ASPRV1: variants seen among roughly 807,000 people sequenced by gnomAD.
ASPRV1 encodes the protein aspartic peptidase retroviral like 1.
In ASPRV1, 7 loss-of-function variants were observed where a neutral mutation model predicts 11.0. The ratio of observed to expected loss-of-function variants is 0.64; its 90% confidence interval spans 0.36 to 1.20. ASPRV1 has a LOEUF of 1.20. ASPRV1 is among the 50% of genes most tolerant of loss of function. The pLI is 0.02. For synonymous variants in ASPRV1, 136 were observed against 138.4 expected (o/e 0.98, Z 0.12); for missense variants, 299 against 320.0 (o/e 0.93, Z 0.50).
chr2:70,011,944 G>A, the ASPRV1 span: 4 of 152,344 alleles, frequency 2.6e-5, no homozygotes, highest in East Asian at 7.7e-4. Flanking sequence ...GCAGCTTCGG[G>A]GGCTAGCAAA....
chr2:69,961,799 C>T, upstream of ASPRV1: 3 of 1,220,250 alleles, frequency 2.5e-6, no homozygotes, highest in Non-Finnish European at 3.5e-6. Context: ...GGACCAACAC[C>T]AGCCAGCCCA....
At chr2:70,084,880 C>G in the ASPRV1 span, among the ~76,000 whole-genome samples, 2 of 152,184 alleles carry the variant, frequency 1.3e-5, no homozygotes, top group East Asian at 3.9e-4. Context: ...ATTAAATGTT[C>G]GTAGAGTTAT....
At chr2:70,051,634 G>C in the ASPRV1 span, among the ~76,000 whole-genome samples, 1 of 152,110 alleles carries the variant, frequency 6.6e-6, no homozygotes, top group East Asian at 1.9e-4. Context: ...TTAAGCATCA[G>C]TGATGTACCA....
chr2:69,945,481 C>T, the ASPRV1 span, among the ~76,000 whole-genome samples: 4 of 152,202 alleles, frequency 2.6e-5, no homozygotes, highest in African/African-American at 7.2e-5. Context: ...ATTGCCTCTG[C>T]GAGTGTCCTT....
At chr2:70,058,611 G>A in the ASPRV1 span, among the ~76,000 whole-genome samples, 1 of 147,302 alleles carries the variant, frequency 6.8e-6, no homozygotes, top group East Asian at 2.0e-4. Flanking sequence ...AGAGTGCAAC[G>A]GTATGATCTC....
chr2:70,056,795 C>CT, the ASPRV1 span, among the ~76,000 whole-genome samples: 2 of 151,542 alleles, frequency 1.3e-5, no homozygotes, highest in Admixed American at 1.3e-4. Flanking sequence ...GTGGCACAAT[C>CT]TCGGCTCCCT....
At chr2:70,076,584 C>T in the ASPRV1 span, among the ~76,000 whole-genome samples, 1 of 152,204 alleles carries the variant, frequency 6.6e-6, no homozygotes. Flanking sequence ...GATGAGGTTA[C>T]ATCTCGAATA....
chr2:70,052,121 A>C, the ASPRV1 span, among the ~76,000 whole-genome samples: 1 of 152,200 alleles, frequency 6.6e-6, no homozygotes, highest in Non-Finnish European at 1.5e-5. Context: ...TAAGCAAATA[A>C]ATAAGAAAAG....
the ASPRV1 span, among the ~76,000 whole-genome samples, chr2:70,077,690 C>T: frequency 2.0e-5 from 3 of 151,812 alleles, no homozygotes; most frequent in Admixed American, 2.0e-4. Context: ...CCCGCCTCTA[C>T]TATAAACACA....
chr2:69,941,858 A>G, the ASPRV1 span: 1 of 136,858 alleles, frequency 7.3e-6, no homozygotes, highest in African/African-American at 3.0e-5. Context: ...AAAAGTATCT[A>G]TATATACACA....
At chr2:70,016,318 C>T in the ASPRV1 span, 1 of 152,066 alleles carries the variant, frequency 6.6e-6, no homozygotes, top group Non-Finnish European at 1.5e-5. Flanking sequence ...AATAGCCAGA[C>T]AAGGACACTA....
downstream of ASPRV1, among the ~76,000 whole-genome samples, chr2:69,957,370 G>A (rs1237888765): frequency 6.6e-6 from 1 of 151,906 alleles, no homozygotes; most frequent in African/African-American, 2.4e-5. Context: ...TGGGTGAAAC[G>A]TGGAAATTCT....
At chr2:69,944,146 C>T in the ASPRV1 span, among the ~76,000 whole-genome samples, 26 of 152,298 alleles carry the variant, frequency 1.7e-4, no homozygotes, top group East Asian at 5.0e-3. Context: ...GTCACAACCT[C>T]AACAAAAGCT....
the ASPRV1 span, among the ~76,000 whole-genome samples, chr2:70,043,521 T>C: frequency 6.6e-6 from 1 of 152,262 alleles, no homozygotes; most frequent in Non-Finnish European, 1.5e-5. Context: ...AAGGGGGAAC[T>C]GCACCTTTGC....
At chr2:70,047,376 G>A in the ASPRV1 span, among the ~76,000 whole-genome samples, 1 of 152,212 alleles carries the variant, frequency 6.6e-6, no homozygotes, top group Non-Finnish European at 1.5e-5. Flanking sequence ...CACTTTGACA[G>A]GGGAGACAGC....
At chr2:69,979,228 T>A in the ASPRV1 span, among the ~76,000 whole-genome samples, 32 of 151,982 alleles carry the variant, frequency 2.1e-4, no homozygotes, top group Non-Finnish European at 4.3e-4. Context: ...AGAGATGGGG[T>A]TTCACCATGT....
chr2:70,038,169 A>C, the ASPRV1 span, among the ~76,000 whole-genome samples: 1 of 152,256 alleles, frequency 6.6e-6, no homozygotes, highest in Non-Finnish European at 1.5e-5. Flanking sequence ...AGTGCTACTC[A>C]AAACAAGAAA....
At position 69,960,605 on chromosome 2, in the gene ASPRV1, C is replaced by G; in HGVS notation, c.*52G>C. ...CCATGAGGATATGCAACCCCCCCCA[C>G]AGCGGTGGGTCTTCCCACCAATATT... is the stretch of plus-strand genomic sequence containing the variant. On this transcript the variant is annotated 3_prime_UTR_variant, in exon 1 of 1. Coordinates refer to ENST00000320256, the MANE Select transcript of ASPRV1 (RefSeq NM_152792.4). 1 of 1,528,958 alleles carries G rather than the reference C, an allele frequency of 6.5e-7. No individual in the cohort carries two copies. The highest frequency in any genetic ancestry group is 8.8e-7 in the Non-Finnish European group (1 of 1,132,744). The allele number at this position is 1,528,958 out of a possible 1,614,324, so 94.7% of individuals were successfully genotyped here.
At chr2:69,959,016 T>C (rs1431488323), downstream of ASPRV1, among the ~76,000 whole-genome samples, 1 of 152,134 alleles carries the variant, frequency 6.6e-6, no homozygotes, top group East Asian at 1.9e-4. Context: ...GGCTGAGCCA[T>C]GCCTCAGTTC....
Sources: gnomAD v4.1 joint callset for allele counts (sites outside exome capture counted in the v4.1 genomes callset) on GRCh38, gnomAD v4.1.1 for gene constraint, MANE v1.5 for transcripts, NCBI Gene and HGNC (gene_info 2026-07-23, HGNC 2026-07-21) for gene names.